RBM20: variants seen among roughly 807,000 people sequenced by gnomAD.
RBM20 encodes the protein RNA-binding protein 20.
RBM20 carries 51 observed loss-of-function variants against 110.1 expected under a neutral mutation model. That is an observed-to-expected ratio of 0.46 (90% CI 0.37 to 0.59). The LOEUF (loss-of-function observed/expected upper bound fraction) is 0.59. Among genes scored for constraint, RBM20 ranks in the 20% least tolerant of loss-of-function variants. The pLI is 0.00. For synonymous variants in RBM20, 589 were observed against 618.2 expected, an observed-to-expected ratio of 0.95 and a Z score of 0.70; for missense variants, 1,512 against 1,574.9, an observed-to-expected ratio of 0.96 and a Z score of 0.68.
chr10:110,806,682 A>G (rs1398151976), intron 7 of RBM20, among the ~76,000 whole-genome samples: 3 of 152,240 alleles, frequency 2.0e-5, no homozygotes, highest in Non-Finnish European at 4.4e-5. Flanking sequence ...TGTTGGCTGA[A>G]GATGGGTAAT....
rs539932441 is a variant in RBM20, at chr10:110,797,567, C to G, written c.1587C>G (p.Ser529Arg). The change falls in exon 6 of 14, where the codon AGC becomes AGG. Residue 529 changes from serine (S) to arginine (R), a missense_variant. Ser to Arg is a moderately radical substitution (Grantham distance 110). Coordinates refer to ENST00000369519, the MANE Select transcript of RBM20 (RefSeq NM_001134363.3). Reference protein sequence around the residue: ...VVHICNLPEGSCTENDVINLG... With the variant: ...VVHICNLPEGRCTENDVINLG... ...ACATCTGCAATCTCCCTGAAGGAAGCTGCACTGAGAATGACGTCATTAACC... is the reference window on the plus strand; with the variant it reads ...ACATCTGCAATCTCCCTGAAGGAAGGTGCACTGAGAATGACGTCATTAACC... 2.6e-5 allele frequency: 40 copies of G among 1,551,642 alleles called. No homozygotes were observed. In the South Asian group the frequency reaches 4.6e-4, roughly 18 times the overall value.
At chr10:110,714,655 G>A (rs1273417875) in intron 1 of RBM20, among the ~76,000 whole-genome samples, 1 of 152,256 alleles carries the variant, frequency 6.6e-6, no homozygotes, top group Non-Finnish European at 1.5e-5. Flanking sequence ...GGTGGCCCAT[G>A]CCCAACAGGA....
At chr10:110,697,597 G>A (rs924931079) in intron 1 of RBM20, among the ~76,000 whole-genome samples, 10 of 152,252 alleles carry the variant, frequency 6.6e-5, no homozygotes, top group Non-Finnish European at 1.0e-4. Flanking sequence ...CTACCTGCAT[G>A]AGTTCACTTC....
chr10:110,744,252 G>A (rs1843753375), intron 1 of RBM20, among the ~76,000 whole-genome samples: 1 of 152,174 alleles, frequency 6.6e-6, no homozygotes, highest in Non-Finnish European at 1.5e-5. Flanking sequence ...GCACACAGTA[G>A]GTTTGCAGGA....
chr10:110,729,882 C>T (rs1843602325), intron 1 of RBM20, among the ~76,000 whole-genome samples: 1 of 152,188 alleles, frequency 6.6e-6, no homozygotes, highest in Admixed American at 6.5e-5. Flanking sequence ...GGAGTGCAAC[C>T]TCGGCTCACT....
chr10:110,727,143 CTTTTTT>C (rs57606079), intron 1 of RBM20, among the ~76,000 whole-genome samples: 1 of 80,656 alleles, frequency 1.2e-5, no homozygotes, highest in African/African-American at 5.3e-5. Context: ...TGCACCCAGC[CTTTTTT>C]TTTTTTTTTT....
chr10:110,710,381 A>T (rs890410469), intron 1 of RBM20, among the ~76,000 whole-genome samples: 5 of 152,184 alleles, frequency 3.3e-5, no homozygotes, highest in Admixed American at 3.3e-4. Flanking sequence ...AGCACTTCCC[A>T]TGTGATTGCT....
intron 1 of RBM20, among the ~76,000 whole-genome samples, chr10:110,740,453 G>C (rs558707219): frequency 5.9e-5 from 9 of 152,142 alleles, no homozygotes; most frequent in Non-Finnish European, 1.0e-4. Context: ...GCTGGGAAGA[G>C]AAGCTTGCCC....
chr10:110,727,059 G>T (rs539591803), intron 1 of RBM20, among the ~76,000 whole-genome samples: 2 of 151,420 alleles, frequency 1.3e-5, no homozygotes, highest in South Asian at 4.2e-4. Flanking sequence ...TGTTGGCCAG[G>T]CTGGTCTCAA....
intron 7 of RBM20, among the ~76,000 whole-genome samples, chr10:110,805,631 C>T (rs1461548707): frequency 1.3e-5 from 2 of 152,194 alleles, no homozygotes; most frequent in South Asian, 4.1e-4. Context: ...AGTGAGTTTC[C>T]CATCGGCAAT....
At chr10:110,788,664 A>T (rs77177926) in intron 5 of RBM20, among the ~76,000 whole-genome samples, 1,999 of 152,352 alleles carry the variant, frequency 0.013, 45 homozygotes, top group African/African-American at 0.045. Flanking sequence ...GAGAACATTG[A>T]CATTTGAAGA....
intron 1 of RBM20, among the ~76,000 whole-genome samples, chr10:110,754,276 GGTTT>G (rs1843895081): frequency 1.3e-5 from 2 of 152,002 alleles, no homozygotes; most frequent in South Asian, 4.1e-4. Context: ...CTTTTCTCTT[GGTTT>G]TAATCACTGT....
chr10:110,764,969 G>T (rs1245310540), intron 1 of RBM20, among the ~76,000 whole-genome samples: 1 of 151,970 alleles, frequency 6.6e-6, no homozygotes, highest in East Asian at 1.9e-4. Flanking sequence ...TATGCGATTT[G>T]TCTGTGTCCC....
At chr10:110,643,954 C>A (rs986995851), upstream of RBM20, among the ~76,000 whole-genome samples, 3 of 152,176 alleles carry the variant, frequency 2.0e-5, no homozygotes, top group African/African-American at 4.8e-5. Flanking sequence ...TGCGAGAGGC[C>A]GCGCGCACCG....
At chr10:110,696,031 C>T (rs979197379) in intron 1 of RBM20, among the ~76,000 whole-genome samples, 3 of 152,214 alleles carry the variant, frequency 2.0e-5, no homozygotes, top group Non-Finnish European at 4.4e-5. Flanking sequence ...CTTAGGAATG[C>T]AAATTCTCAG....
chr10:110,691,191 AC>A (rs1432357017), intron 1 of RBM20, among the ~76,000 whole-genome samples: 2 of 152,238 alleles, frequency 1.3e-5, no homozygotes, highest in Non-Finnish European at 2.9e-5. Context: ...CTTTCACCAG[AC>A]ACCAGATCTG....
At chr10:110,675,284 A>G (rs937664810) in intron 1 of RBM20, among the ~76,000 whole-genome samples, 4 of 152,190 alleles carry the variant, frequency 2.6e-5, no homozygotes, top group Non-Finnish European at 5.9e-5. Context: ...GTGATAGTCA[A>G]AAAAATAGGT....
intron 1 of RBM20, among the ~76,000 whole-genome samples, chr10:110,732,137 C>T (rs529411053): frequency 1.2e-4 from 18 of 152,160 alleles, no homozygotes; most frequent in African/African-American, 3.9e-4. Flanking sequence ...TGCCTTTTCT[C>T]GAGAGTATTT....
At chr10:110,822,819 G>GT in intron 11 of RBM20, among the ~76,000 whole-genome samples, 1 of 152,192 alleles carries the variant, frequency 6.6e-6, no homozygotes, top group South Asian at 2.1e-4. Flanking sequence ...GACCTGAGCT[G>GT]TTTTTTACCT....
Sources: gnomAD v4.1 joint callset for allele counts (sites outside exome capture counted in the v4.1 genomes callset) on GRCh38, gnomAD v4.1.1 for gene constraint, MANE v1.5 for transcripts, NCBI Gene and HGNC (gene_info 2026-07-23, HGNC 2026-07-21) for gene names.